Variants in QRFPR observed in about 807,000 individuals in gnomAD.
QRFPR encodes the protein pyroglutamylated RF-amide peptide receptor.
In QRFPR, 37 loss-of-function variants were observed where a neutral mutation model predicts 31.3. That is an observed-to-expected ratio of 1.18 (90% CI 0.91 to 1.56). The LOEUF (loss-of-function observed/expected upper bound fraction) is 1.56, where lower values mean the gene tolerates loss of function less well. Ranked by LOEUF, QRFPR falls within the 40% of genes most tolerant of loss-of-function variation. The pLI is 0.00. For synonymous variants in QRFPR, 197 were observed against 192.0 expected (o/e 1.03, Z -0.22); for missense variants, 542 against 532.5 (o/e 1.02, Z -0.18).
At chr4:121,335,579 G>A (rs1354014350) in intron 3 of QRFPR, among the ~76,000 whole-genome samples, 3 of 99,938 alleles carry the variant, frequency 3.0e-5, no homozygotes, top group African/African-American at 3.4e-5. Context: ...TATGGGGGGT[G>A]GGGGGTGGGG....
At chr4:121,337,570 T>G (rs1725458548) in intron 2 of QRFPR, among the ~76,000 whole-genome samples, 2 of 152,172 alleles carry the variant, frequency 1.3e-5, no homozygotes, top group African/African-American at 4.8e-5. Flanking sequence ...AATGGATGAA[T>G]AACTTTTAAA....
intron 1 of QRFPR, among the ~76,000 whole-genome samples, chr4:121,371,047 G>T (rs1277970963): frequency 1.3e-5 from 2 of 152,158 alleles, no homozygotes; most frequent in Non-Finnish European, 2.9e-5. Flanking sequence ...GATGGAACAG[G>T]ATTAGAACCC....
chr4:121,370,792 T>C (rs571337752), intron 1 of QRFPR, among the ~76,000 whole-genome samples: 6 of 152,248 alleles, frequency 3.9e-5, no homozygotes, highest in African/African-American at 1.4e-4. Flanking sequence ...AAATACTATA[T>C]GCTTCATAGA....
chr4:121,347,588 T>C (rs7667983), intron 1 of QRFPR, among the ~76,000 whole-genome samples: 39,167 of 152,118 alleles, frequency 0.26, 5,729 homozygotes, highest in Non-Finnish European at 0.34. Flanking sequence ...TAAAGTAATA[T>C]ATTAACGCCC....
At chr4:121,357,389 C>T (rs951276820) in intron 1 of QRFPR, among the ~76,000 whole-genome samples, 6 of 151,774 alleles carry the variant, frequency 4.0e-5, no homozygotes, top group South Asian at 2.1e-4. Context: ...AGAAGGCAGT[C>T]GAATATTTCT....
intron 5 of QRFPR, 58 bp from the exon 6 acceptor site, chr4:121,329,772 T>C: frequency 8.2e-7 from 1 of 1,217,198 alleles, no homozygotes; most frequent in Non-Finnish European, 1.1e-6. Flanking sequence ...AAAATAAAAC[T>C]TCTGTTTGTC....
chr4:121,368,931 T>A (rs1465854468), intron 1 of QRFPR, among the ~76,000 whole-genome samples: 2 of 151,526 alleles, frequency 1.3e-5, no homozygotes, highest in Non-Finnish European at 2.9e-5. Context: ...CAGTACAAAA[T>A]GGCTTCTTCC....
intron 1 of QRFPR, among the ~76,000 whole-genome samples, chr4:121,378,892 A>G (rs1234385610): frequency 6.6e-6 from 1 of 152,250 alleles, no homozygotes; most frequent in Non-Finnish European, 1.5e-5. Flanking sequence ...AAATGGAGCT[A>G]TAATCATCCC....
At chr4:121,366,096 C>T (rs1726130719) in intron 1 of QRFPR, among the ~76,000 whole-genome samples, 2 of 149,238 alleles carry the variant, frequency 1.3e-5, no homozygotes, top group African/African-American at 5.0e-5. Flanking sequence ...GGCACCCCTG[C>T]ACAAACAGGG....
At chr4:121,347,617 C>T (rs1725680071) in intron 1 of QRFPR, among the ~76,000 whole-genome samples, 1 of 152,164 alleles carries the variant, frequency 6.6e-6, no homozygotes. Context: ...AGTCTATTAA[C>T]TTCCAACAGT....
intron 1 of QRFPR, among the ~76,000 whole-genome samples, chr4:121,351,188 C>T (rs533919074): frequency 2.0e-5 from 3 of 152,168 alleles, no homozygotes; most frequent in Non-Finnish European, 4.4e-5. Flanking sequence ...CTAGCTGCTC[C>T]GTGTACAGGT....
chr4:121,333,013 A>G lies in QRFPR; in HGVS notation c.605T>C (p.Leu202Ser), dbSNP rs977469806. The G allele has an allele frequency of 3.7e-6, 6 of 1,613,762 alleles. No homozygotes were observed. The Admixed American group carries it at 6.7e-5, about 18-fold the overall frequency. Residue 202 changes from leucine (L) to serine (S), a missense_variant, in exon 4 of 6, where the codon TTA becomes TCA. Leu to Ser is a moderately radical substitution (Grantham distance 145). Transcript: ENST00000394427. ...GTGCACAGGGCTGGTCCACTCTTCT[A>G]AGCAGCAGATGTGTTCCTTTTCATA... ...FLYEKEHICC[L>S]EEWTSPVHQK... is the part of the protein sequence containing the mutation.
Position 121,329,400 on chromosome 4 carries a change from T to C in QRFPR, c.1210A>G (p.Thr404Ala), listed in dbSNP as rs149880616. The change falls in exon 6 of 6, where the codon ACA becomes GCA. Residue 404 changes from threonine to alanine, a missense_variant. Transcript: ENST00000394427. ...CGTTTGAGCTTTTTCTTCTCCTCTG[T>C]CTGTTCACACAATTTGACTTCAATG... ...GNIEVKLCEQ[T>A]EEKKKLKRHL... The C allele has an allele frequency of 1.1e-4, 175 of 1,614,138 alleles. No individual in the cohort carries two copies. In the African/African-American group the frequency reaches 1.4e-3, roughly 13 times the overall value.
At chr4:121,364,788 T>G (rs1321455488) in intron 1 of QRFPR, among the ~76,000 whole-genome samples, 1 of 150,172 alleles carries the variant, frequency 6.7e-6, no homozygotes, top group Non-Finnish European at 1.5e-5. Flanking sequence ...AGTACTAGGA[T>G]GTATTCAGCC....
intron 1 of QRFPR, chr4:121,370,039 T>G (rs1726203345): frequency 1.3e-6 from 1 of 772,748 alleles, no homozygotes; most frequent in South Asian, 1.3e-5. Flanking sequence ...CATGACGACA[T>G]GGGTAGCTTT....
chr4:121,366,753 T>C (rs1726140641), intron 1 of QRFPR, among the ~76,000 whole-genome samples: 1 of 150,268 alleles, frequency 6.7e-6, no homozygotes, highest in Admixed American at 6.6e-5. Context: ...CTGTGCAGAA[T>C]AGCTAATTAA....
intron 3 of QRFPR, among the ~76,000 whole-genome samples, chr4:121,334,022 T>C (rs950696299): frequency 6.6e-6 from 1 of 152,176 alleles, no homozygotes; most frequent in Non-Finnish European, 1.5e-5. Flanking sequence ...TACTTACAGA[T>C]GCAACTAGGA....
intron 3 of QRFPR, chr4:121,334,396 T>G (rs1478072495): frequency 6.3e-6 from 1 of 158,248 alleles, no homozygotes; most frequent in African/African-American, 2.4e-5. Flanking sequence ...AAGTTTGAAG[T>G]GTCACGCTGG....
At chr4:121,338,762 G>A (rs901312422) in intron 2 of QRFPR, among the ~76,000 whole-genome samples, 2 of 152,206 alleles carry the variant, frequency 1.3e-5, no homozygotes, top group South Asian at 2.1e-4. Context: ...ATGGCGAGAT[G>A]AGTCTAGTTG....
Sources: gnomAD v4.1 joint callset for allele counts (sites outside exome capture counted in the v4.1 genomes callset) on GRCh38, gnomAD v4.1.1 for gene constraint, MANE v1.5 for transcripts, NCBI Gene and HGNC (gene_info 2026-07-23, HGNC 2026-07-21) for gene names.